PPP6R3: variants seen among roughly 807,000 people sequenced by gnomAD.
The protein encoded by PPP6R3 is protein phosphatase 6 regulatory subunit 3.
Under a neutral mutation model 110.7 loss-of-function variants are expected in PPP6R3, and 38 were observed. The ratio of observed to expected loss-of-function variants is 0.34; its 90% CI spans 0.26 to 0.45. The LOEUF is 0.45. Among genes scored for constraint, PPP6R3 ranks in the 20% least tolerant of loss-of-function variants. The pLI is 1.00. For synonymous variants in PPP6R3, 369 were observed against 373.5 expected, an observed-to-expected ratio of 0.99 and a Z score of 0.14; for missense variants, 870 against 1,062.4, an observed-to-expected ratio of 0.82 and a Z score of 2.52.
Position 68,600,388 on chromosome 11 carries a change from G to T in PPP6R3, c.2086G>T (p.Gly696Cys), listed in dbSNP as rs143301457. Residue 696 changes from glycine (G) to cysteine (C), a missense_variant, in exon 20 of 24, where the codon GGT (glycine) becomes TGT (cysteine). Coordinates refer to ENST00000393800, the MANE Select transcript of PPP6R3 (RefSeq NM_001164161.2). ...NFDVPMETTH[G>C]APLDSVGSDV... Reference sequence around the variant, plus strand: ...TGATGTCCCAATGGAAACAACCCACGGTGCTCCATTGGATTCTGTGGGATC... The same window carrying T: ...TGATGTCCCAATGGAAACAACCCACTGTGCTCCATTGGATTCTGTGGGATC... 6.2e-7 allele frequency: 1 copy of T among 1,613,926 alleles called. No homozygotes were observed. The highest frequency in any genetic ancestry group is 8.5e-7 in the Non-Finnish European group (1 of 1,179,874).
At chr11:68,582,319 T>C (rs1333113238) in intron 14 of PPP6R3, among the ~76,000 whole-genome samples, 1 of 152,276 alleles carries the variant, frequency 6.6e-6, no homozygotes, top group Non-Finnish European at 1.5e-5. Context: ...TTTGTTTATC[T>C]GATTTCTAAT....
chr11:68,608,382 C>A (rs1171984039), intron 22 of PPP6R3, among the ~76,000 whole-genome samples: 1 of 152,236 alleles, frequency 6.6e-6, no homozygotes, highest in Non-Finnish European at 1.5e-5. Context: ...ACTCTTCTTA[C>A]ACGAGCAGCA....
intron 1 of PPP6R3, among the ~76,000 whole-genome samples, chr11:68,462,372 G>C (rs1319850938): frequency 6.6e-6 from 1 of 152,038 alleles, no homozygotes; most frequent in Non-Finnish European, 1.5e-5. Context: ...CTTAAATTAG[G>C]AACATTTACC....
At chr11:68,582,862 G>A (rs1337036691) in intron 14 of PPP6R3, among the ~76,000 whole-genome samples, 181 bp from the exon 15 acceptor site, 1 of 152,222 alleles carries the variant, frequency 6.6e-6, no homozygotes, top group Non-Finnish European at 1.5e-5. Context: ...AGCCTGGCCC[G>A]AGGGAAGGAA....
chr11:68,614,633 G>A lies in PPP6R3; in HGVS notation c.*1516G>A. 1 of 1,517,148 alleles carries A rather than the reference G, an allele frequency of 6.6e-7. No individual in the cohort carries two copies. Among genetic ancestry groups the A allele is most frequent in the Non-Finnish European group, 8.8e-7 (1 of 1,138,992 alleles). The allele number at this position is 1,517,148 out of a possible 1,614,324, so 94.0% of individuals were successfully genotyped here. On this transcript the variant is annotated 3_prime_UTR_variant, in exon 24 of 24. Transcript: ENST00000393800. Reference sequence around the variant, plus strand: ...TCTGATTTCCTTTTTCATTTTAAGTGGTGTGGAGATTCCAGCACTCCCAGG... The same window carrying A: ...TCTGATTTCCTTTTTCATTTTAAGTAGTGTGGAGATTCCAGCACTCCCAGG...
At position 68,574,664 on chromosome 11, in the gene PPP6R3, C is replaced by T. The variant is rs545342809; in HGVS notation, c.1459+440C>T. Among the ~76,000 whole-genome samples the T allele has an allele frequency of 2.0e-5, 3 of 152,278 alleles. No homozygotes were observed. The South Asian group carries it at 6.2e-4, about 32-fold the overall frequency. On this transcript the variant is annotated intron_variant, in intron 13 of 23. Transcript: ENST00000393800. ...AATATTAGGGCATTTATCAGCATTT[C>T]TTTGATGTCGCTGTCACTAAAATGA...
intron 13 of PPP6R3, among the ~76,000 whole-genome samples, chr11:68,575,301 C>T (rs535190934): frequency 2.0e-5 from 3 of 152,312 alleles, no homozygotes; most frequent in East Asian, 1.9e-4. Flanking sequence ...TCTAAAATTA[C>T]GTCATGGTTT....
chr11:68,569,959 A>C, intron 11 of PPP6R3, 62 bp downstream of exon 11: 1 of 1,474,622 alleles, frequency 6.8e-7, no homozygotes, highest in Non-Finnish European at 9.2e-7. Flanking sequence ...TTTCCACTTG[A>C]CTGTGATGTG....
chr11:68,508,449 A>C (rs1377930701), intron 1 of PPP6R3, among the ~76,000 whole-genome samples: 1 of 152,176 alleles, frequency 6.6e-6, no homozygotes, highest in Non-Finnish European at 1.5e-5. Flanking sequence ...TTTTTAAATA[A>C]ATTTAGTGTC....
At chr11:68,481,378 C>T (rs2098910368) in intron 1 of PPP6R3, among the ~76,000 whole-genome samples, 1 of 152,106 alleles carries the variant, frequency 6.6e-6, no homozygotes, top group African/African-American at 2.4e-5. Flanking sequence ...CACTGCTGAT[C>T]CCAGAAGCAT....
intron 1 of PPP6R3, among the ~76,000 whole-genome samples, chr11:68,501,491 T>C (rs1457158665): frequency 6.6e-6 from 1 of 152,194 alleles, no homozygotes; most frequent in Non-Finnish European, 1.5e-5. Flanking sequence ...CACACCTGGC[T>C]GATTTTTGTA....
rs577405374 is a variant in PPP6R3 at position 68,547,058 on chromosome 11, T to G, written c.415-1009T>G. 2.0e-5 allele frequency among the ~76,000 whole-genome samples: 3 copies of G among 152,366 alleles called. No individual in the cohort carries two copies. In the South Asian group the frequency reaches 6.2e-4, roughly 32 times the overall value. ...GGTTAATCCTGTATTTATACCTAATTGTATGAAGCAGTTTTAGTTGTCATT... is the reference window on the plus strand; with the variant it reads ...GGTTAATCCTGTATTTATACCTAATGGTATGAAGCAGTTTTAGTTGTCATT... On this transcript the variant is annotated intron_variant, in intron 4 of 23. Transcript: ENST00000393800.
intron 1 of PPP6R3, among the ~76,000 whole-genome samples, chr11:68,504,758 TG>T (rs2099066854): frequency 6.6e-6 from 1 of 152,212 alleles, no homozygotes; most frequent in African/African-American, 2.4e-5. Flanking sequence ...TCCAAACCTT[TG>T]TGAGCTGTGT....
At chr11:68,600,570 G>C (rs2099628805) in intron 20 of PPP6R3, 76 bp downstream of exon 20, 1 of 1,502,564 alleles carries the variant, frequency 6.7e-7, no homozygotes, top group African/African-American at 1.4e-5. Context: ...GTTAACGTGT[G>C]TTCTTCACCT....
chr11:68,462,140 G>A (rs1290912351), intron 1 of PPP6R3, among the ~76,000 whole-genome samples: 2 of 152,188 alleles, frequency 1.3e-5, no homozygotes, highest in African/African-American at 4.8e-5. Context: ...GGCACATACA[G>A]TCACCTCAGT....
chr11:68,558,492 A>G lies in PPP6R3; in HGVS notation c.732-74A>G, dbSNP rs185295875. On this transcript the variant is annotated intron_variant, in intron 7 of 23. Transcript: ENST00000393800. ...AACTCTTCAGTGATGCTTGTCTTGT[A>G]CCGTCGTCTTTTTTTCTGAGGTTGT... 117 of 892,392 alleles carry G rather than the reference A, an allele frequency of 1.3e-4. No homozygotes were observed. In the African/African-American group the frequency reaches 1.9e-3, roughly 14 times the overall value. The allele number at this position is 892,392 out of a possible 1,614,324, so 55.3% of individuals were successfully genotyped here.
intron 1 of PPP6R3, among the ~76,000 whole-genome samples, chr11:68,514,596 A>AT (rs1234219907): frequency 1.3e-4 from 20 of 151,260 alleles, no homozygotes; most frequent in Non-Finnish European, 2.7e-4. Flanking sequence ...TTTATTTTTT[A>AT]TTTTTTGAGA....
At chr11:68,538,962 A>G (rs2099290679) in intron 3 of PPP6R3, among the ~76,000 whole-genome samples, 1 of 152,210 alleles carries the variant, frequency 6.6e-6, no homozygotes, top group African/African-American at 2.4e-5. Flanking sequence ...TCTACTAAAA[A>G]TACAAAAATT....
At chr11:68,467,237 C>G (rs2098754870) in intron 1 of PPP6R3, among the ~76,000 whole-genome samples, 1 of 152,174 alleles carries the variant, frequency 6.6e-6, no homozygotes, top group Non-Finnish European at 1.5e-5. Context: ...TATAAGGAGG[C>G]TCTGATTTTG....
Sources: gnomAD v4.1 joint callset for allele counts (sites outside exome capture counted in the v4.1 genomes callset) on GRCh38, gnomAD v4.1.1 for gene constraint, MANE v1.5 for transcripts, NCBI Gene and HGNC (gene_info 2026-07-23, HGNC 2026-07-21) for gene names.